TULP3: variants seen among roughly 807,000 people sequenced by gnomAD.
TULP3 encodes the protein TUB like protein 3, also known as tubby-related protein 3.
TULP3 carries 38 observed loss-of-function variants against 50.7 expected under a neutral mutation model. That is an observed-to-expected ratio of 0.75 (90% confidence interval 0.58 to 0.98). The LOEUF (loss-of-function observed/expected upper bound fraction) is 0.98, where lower values mean the gene tolerates loss of function less well. TULP3 is among the 50% of genes least tolerant of loss of function. The pLI is 0.00. For synonymous variants in TULP3, 183 were observed against 196.6 expected (o/e 0.93, Z 0.58); for missense variants, 550 against 568.0 (o/e 0.97, Z 0.32).
chr12:2,940,725 G>A lies in TULP3; in HGVS notation c.*1281G>A, dbSNP rs571642342. ...CCTGCACCACATCAGATAAGCATGT[G>A]AAGGAGGGCCAACTGGCAGCTGCGG... On this transcript the variant is annotated 3_prime_UTR_variant, in exon 11 of 11. Transcript: ENST00000448120. 50 of 1,548,934 alleles carry A rather than the reference G, an allele frequency of 3.2e-5. No individual in the cohort carries two copies. The African/African-American group carries it at 5.9e-4, about 18-fold the overall frequency.
At chr12:2,896,797 CTA>C (rs1565495737) in intron 1 of TULP3, among the ~76,000 whole-genome samples, 1 of 152,062 alleles carries the variant, frequency 6.6e-6, no homozygotes, top group African/African-American at 2.4e-5. Flanking sequence ...TTTAGAGCAT[CTA>C]TGAGTTTCAT....
intron 1 of TULP3, among the ~76,000 whole-genome samples, chr12:2,894,522 A>G (rs1031690541): frequency 1.4e-5 from 2 of 144,524 alleles, no homozygotes; most frequent in African/African-American, 5.2e-5. Context: ...GTGACAGAGC[A>G]AGACTCCGTC....
chr12:2,895,281 T>C (rs1202017467), intron 1 of TULP3, among the ~76,000 whole-genome samples: 1 of 152,188 alleles, frequency 6.6e-6, no homozygotes, highest in Non-Finnish European at 1.5e-5. Flanking sequence ...CTGCTCTGAT[T>C]GTGTCTCTAC....
intron 3 of TULP3, among the ~76,000 whole-genome samples, chr12:2,921,824 C>A (rs1191749318): frequency 6.6e-6 from 1 of 152,250 alleles, no homozygotes; most frequent in East Asian, 1.9e-4. Context: ...TGGCTTATAC[C>A]TGTGATCCCA....
chr12:2,928,499 C>T (rs566732173), intron 4 of TULP3, among the ~76,000 whole-genome samples: 27 of 152,062 alleles, frequency 1.8e-4, no homozygotes, highest in African/African-American at 6.0e-4. Context: ...CATTGCACTC[C>T]ACCCTGGGCA....
At chr12:2,904,401 A>G (rs931656754) in intron 1 of TULP3, among the ~76,000 whole-genome samples, 6 of 152,100 alleles carry the variant, frequency 3.9e-5, no homozygotes, top group Non-Finnish European at 8.8e-5. Flanking sequence ...GCAGGGTCAC[A>G]GTCACAGCTC....
At chr12:2,916,631 A>G (rs2098188839) in intron 2 of TULP3, among the ~76,000 whole-genome samples, 2 of 152,256 alleles carry the variant, frequency 1.3e-5, no homozygotes, top group South Asian at 4.1e-4. Flanking sequence ...TCCTTCATTG[A>G]TGTAGCCTCG....
At chr12:2,913,401 C>G (rs116098046) in intron 2 of TULP3, among the ~76,000 whole-genome samples, 1,759 of 151,302 alleles carry the variant, frequency 0.012, 38 homozygotes, top group African/African-American at 0.04. Flanking sequence ...GCATGCACGA[C>G]CACACTTGGC....
At position 2,938,165 on chromosome 12, in the gene TULP3, G is replaced by A; in HGVS notation, c.1075G>A (p.Val359Ile). Residue 359 changes from valine to isoleucine, a missense_variant, in exon 10 of 11, where the codon GTT becomes ATT. By Grantham distance (29) the Val-to-Ile change is conservative (BLOSUM62 3). Transcript: ENST00000448120. ...GCAGAACAGAACTATGGAAAATCTGGTTGAGCTGCACAACAAGGCCCCCGT... is the reference window on the plus strand; with the variant it reads ...GCAGAACAGAACTATGGAAAATCTGATTGAGCTGCACAACAAGGCCCCCGT... ...RWQNRTMENL[V>I]ELHNKAPVWN... is the part of the protein sequence containing the mutation. 1.2e-6 allele frequency: 2 copies of A among 1,614,196 alleles called. No individual in the cohort carries two copies. The highest frequency in any genetic ancestry group is 1.7e-6 in the Non-Finnish European group (2 of 1,180,044).
chr12:2,926,407 G>A (rs550973497), intron 4 of TULP3, among the ~76,000 whole-genome samples: 31 of 152,298 alleles, frequency 2.0e-4, no homozygotes, highest in African/African-American at 6.3e-4. Context: ...ACTTGAGCCC[G>A]GGAAGTTGAG....
At chr12:2,938,651 G>T (rs2098202954) in intron 10 of TULP3, among the ~76,000 whole-genome samples, 1 of 152,050 alleles carries the variant, frequency 6.6e-6, no homozygotes, top group Non-Finnish European at 1.5e-5. Context: ...GGGCGTGGTG[G>T]CAGGCACTTG....
intron 1 of TULP3, among the ~76,000 whole-genome samples, chr12:2,900,814 A>G (rs770307579): frequency 7.9e-5 from 12 of 151,426 alleles, no homozygotes; most frequent in African/African-American, 2.7e-4. Flanking sequence ...GGCTCAAGCA[A>G]TCCTCCCACC....
At chr12:2,930,434 T>C in intron 5 of TULP3, 89 bp downstream of exon 5, 7 of 919,132 alleles carry the variant, frequency 7.6e-6, no homozygotes, top group Non-Finnish European at 1.1e-5. Context: ...TATTATTATG[T>C]ATTTTTTGAG....
intron 1 of TULP3, among the ~76,000 whole-genome samples, chr12:2,898,899 A>T (rs1446677479): frequency 1.3e-5 from 2 of 152,006 alleles, no homozygotes; most frequent in African/African-American, 4.8e-5. Flanking sequence ...GGCTGGTCTC[A>T]AACTCCTGGC....
intron 1 of TULP3, among the ~76,000 whole-genome samples, chr12:2,902,362 G>C (rs2098179764): frequency 6.6e-6 from 1 of 152,162 alleles, no homozygotes; most frequent in Non-Finnish European, 1.5e-5. Flanking sequence ...CTGCTCACAG[G>C]CTTTATTTTT....
At chr12:2,935,992 C>T (rs966870773) in intron 8 of TULP3, among the ~76,000 whole-genome samples, 1 of 151,902 alleles carries the variant, frequency 6.6e-6, no homozygotes. Flanking sequence ...ATCGGCCAGG[C>T]GTGGTGGCTC....
chr12:2,937,960 G>C (rs1232172116), intron 9 of TULP3, among the ~76,000 whole-genome samples, 154 bp from the exon 10 acceptor site: 4 of 152,096 alleles, frequency 2.6e-5, no homozygotes, highest in Admixed American at 6.6e-5. Flanking sequence ...GGATGATGTA[G>C]AATAATTTTA....
At chr12:2,925,915 GTGCCAGGTGAGTTAACGCCTTTTCA>G (rs2098194428) in intron 4 of TULP3, among the ~76,000 whole-genome samples, 1 of 152,180 alleles carries the variant, frequency 6.6e-6, no homozygotes, top group South Asian at 2.1e-4. Flanking sequence ...TGGCCTTCCA[GTGCCAGGTGAGTTAACGCCTTTTCA>G]TGTCTCAACA....
chr12:2,922,542 C>T, intron 4 of TULP3, 140 bp downstream of exon 4: 1 of 964,018 alleles, frequency 1.0e-6, no homozygotes. Flanking sequence ...CAGTGTTTAG[C>T]ATCTTTTACA....
Sources: gnomAD v4.1 joint callset for allele counts (sites outside exome capture counted in the v4.1 genomes callset) on GRCh38, gnomAD v4.1.1 for gene constraint, MANE v1.5 for transcripts, NCBI Gene and HGNC (gene_info 2026-07-23, HGNC 2026-07-21) for gene names.